Variants in AGO3 observed in about 807,000 individuals in gnomAD.
AGO3 encodes the protein argonaute RISC catalytic component 3.
AGO3 carries 16 observed loss-of-function variants against 105.5 expected under a neutral mutation model. That is an observed-to-expected ratio of 0.15 (90% CI 0.10 to 0.23). AGO3 has a LOEUF of 0.23. AGO3 is among the 10% of genes least tolerant of loss of function. AGO3 has a pLI of 1.00. For synonymous variants in AGO3, 340 were observed against 367.3 expected (o/e 0.93, Z 0.85); for missense variants, 534 against 1,088.0 (o/e 0.49, Z 7.16).
rs1038520788 is a variant in AGO3, at chr1:36,063,247, T to C, written c.*7502T>C. The C allele has an allele frequency of 2.0e-5, 3 of 152,234 alleles. No individual in the cohort carries two copies. Among genetic ancestry groups the C allele is most frequent in the African/African-American group, 7.2e-5 (3 of 41,466 alleles). The allele number at this position is 152,234 out of a possible 1,614,324, so 9.4% of individuals were successfully genotyped here. A position where few individuals can be genotyped will look rare whatever the true frequency, so the allele number is the denominator to read the frequency against. ...TACATGTGGAGGGGAGGTGGGGCTT[T>C]CCTGTAAGTTTGATCCTTTTTTTCC... is the stretch of plus-strand genomic sequence containing the variant. On this transcript the variant is annotated 3_prime_UTR_variant, in exon 19 of 19. Coordinates refer to ENST00000373191, the MANE Select transcript of AGO3 (RefSeq NM_024852.4).
In AGO3 at chr1:36,055,048, C is replaced by T. The variant is rs1179870833; in HGVS notation, c.2377C>T (p.Arg793Cys). 1.2e-6 allele frequency: 2 copies of T among 1,614,052 alleles called. No individual in the cohort carries two copies. The highest frequency in any genetic ancestry group is 1.7e-6 in the Non-Finnish European group (2 of 1,180,016). Residue 793 changes from arginine to cysteine, a missense_variant, in exon 18 of 19, where the codon CGC becomes TGC. Transcript: ENST00000373191. The surrounding 1 kb of genome is among the most constrained non-coding windows in gnomAD (Gnocchi z 4.4). The stretch of plus-strand genomic sequence containing the variant: ...TTACCAGCTCTGCCACACTTACGTA[C>T]GCTGTACACGATCTGTTTCTATACC... ...LTYQLCHTYV[R>C]CTRSVSIPAP...
chr1:35,985,983 G>T (rs761066534), intron 5 of AGO3, among the ~76,000 whole-genome samples: 1 of 152,188 alleles, frequency 6.6e-6, no homozygotes, highest in Non-Finnish European at 1.5e-5. Flanking sequence ...AGTGAAATCA[G>T]TGTTACCATT....
At chr1:36,013,460 C>A in intron 9 of AGO3, 170 bp from the exon 10 acceptor site, 1 of 819,532 alleles carries the variant, frequency 1.2e-6, no homozygotes, top group Non-Finnish European at 1.9e-6. Context: ...CCATTCATGA[C>A]CCATGGTCCC....
intron 5 of AGO3, among the ~76,000 whole-genome samples, chr1:35,995,094 G>A (rs939993896): frequency 2.0e-5 from 3 of 151,220 alleles, no homozygotes; most frequent in Admixed American, 6.6e-5. Flanking sequence ...CCGGCTACTC[G>A]GGAGGCTGAG....
Position 36,071,347 on chromosome 1 carries a change from C to CAAATA in AGO3, c.*15603_*15607dup, listed in dbSNP as rs1192780126. Reference sequence around the variant, plus strand: ...GCCTGCAAAATGTCCTGAAGATGGACAAATAGCCTTTTAAATTCTACTTTT... The same window carrying CAAATA: ...GCCTGCAAAATGTCCTGAAGATGGACAAATAAAATAGCCTTTTAAATTCTACTTTT... On this transcript the variant is annotated 3_prime_UTR_variant, in exon 19 of 19. Coordinates refer to ENST00000373191, the MANE Select transcript of AGO3 (RefSeq NM_024852.4). 6.6e-6 allele frequency: 1 copy of CAAATA among 152,148 alleles called. No homozygotes were observed. The highest frequency in any genetic ancestry group is 2.4e-5 in the African/African-American group (1 of 41,432). The allele number at this position is 152,148 out of a possible 1,614,324, so 9.4% of individuals were successfully genotyped here.
At chr1:35,947,346 CT>C (rs749269582) in intron 2 of AGO3, among the ~76,000 whole-genome samples, 8 of 151,914 alleles carry the variant, frequency 5.3e-5, no homozygotes, top group Non-Finnish European at 1.2e-4. Context: ...CTTTCCTAAA[CT>C]TCAGATTGAC....
rs1425961697 is a variant in AGO3, at chr1:36,060,909, G to A, written c.*5164G>A. The A allele has an allele frequency of 6.6e-6, 1 of 152,158 alleles. No homozygotes were observed. Among genetic ancestry groups the A allele is most frequent in the East Asian group, 1.9e-4 (1 of 5,198 alleles). 9.4% of individuals were successfully genotyped at this position (152,158 alleles called of 1,614,324 possible). A position where few individuals can be genotyped will look rare whatever the true frequency, so the allele number is the denominator to read the frequency against. On this transcript the variant is annotated 3_prime_UTR_variant, in exon 19 of 19. Transcript: ENST00000373191. ...TTGACATCAAGTAACGCCTTCCTGT[G>A]TAGCAGTATAACCCTAATTTAGAAC... is the stretch of plus-strand genomic sequence containing the variant.
At chr1:35,957,823 T>C (rs1213325557) in intron 2 of AGO3, among the ~76,000 whole-genome samples, 2 of 152,100 alleles carry the variant, frequency 1.3e-5, no homozygotes, top group East Asian at 1.9e-4. Flanking sequence ...TCCAGCACTT[T>C]GGGAGGCCAA....
rs1017785998 is a variant in AGO3, at chr1:36,066,525, A to T, written c.*10780A>T. ...CAGTGAGCCGAGATCATGCCACTGC[A>T]CTCCAGCCTGGGCGACAAGAGTGAA... On this transcript the variant is annotated 3_prime_UTR_variant, in exon 19 of 19. Transcript: ENST00000373191. 1 of 152,210 alleles carries T rather than the reference A, an allele frequency of 6.6e-6. No individual in the cohort carries two copies. Among genetic ancestry groups the T allele is most frequent in the African/African-American group, 2.4e-5 (1 of 41,462 alleles). 9.4% of individuals were successfully genotyped at this position (152,210 alleles called of 1,614,324 possible).
At chr1:36,004,237 A>C in intron 5 of AGO3, 104 bp from the exon 6 acceptor site, 10 of 1,223,564 alleles carry the variant, frequency 8.2e-6, no homozygotes, top group Non-Finnish European at 1.1e-5. Flanking sequence ...AATGTGCATA[A>C]AGGATCATTT....
intron 13 of AGO3, among the ~76,000 whole-genome samples, chr1:36,034,818 C>G (rs1641933483): frequency 6.6e-6 from 1 of 152,060 alleles, no homozygotes; most frequent in Non-Finnish European, 1.5e-5. Flanking sequence ...AACTGGGAGC[C>G]CAGATTAGTC....
intron 1 of AGO3, among the ~76,000 whole-genome samples, chr1:35,932,765 C>T (rs1427208190): frequency 2.6e-5 from 4 of 152,092 alleles, no homozygotes; most frequent in Admixed American, 6.5e-5. Flanking sequence ...TACCATACTA[C>T]TGTTTTACTG....
chr1:36,069,899 A>G lies in AGO3; in HGVS notation c.*14154A>G, dbSNP rs1396188042. On this transcript the variant is annotated 3_prime_UTR_variant, in exon 19 of 19. Coordinates refer to ENST00000373191, the MANE Select transcript of AGO3 (RefSeq NM_024852.4). The stretch of plus-strand genomic sequence containing the variant: ...TGGCAAAACCCCGTCTCTACTAAAG[A>G]TACAAAAATTAGCTGGGCACGATGG... 2.6e-5 allele frequency: 4 copies of G among 152,150 alleles called. No homozygotes were observed. The highest frequency in any genetic ancestry group is 4.4e-5 in the Non-Finnish European group (3 of 68,056). 9.4% of individuals were successfully genotyped at this position (152,150 alleles called of 1,614,324 possible).
intron 6 of AGO3, among the ~76,000 whole-genome samples, chr1:36,005,494 T>G (rs1045548556): frequency 6.6e-6 from 1 of 152,222 alleles, no homozygotes; most frequent in Non-Finnish European, 1.5e-5. Flanking sequence ...AGAAACTGTT[T>G]ATGTAACTGT....
At chr1:36,003,469 C>T (rs898904972) in intron 5 of AGO3, among the ~76,000 whole-genome samples, 4 of 150,870 alleles carry the variant, frequency 2.7e-5, no homozygotes, top group Non-Finnish European at 4.4e-5. Context: ...CTGAGGCAGG[C>T]GGATCACCTG....
Position 36,043,490 on chromosome 1 carries a change from C to T in AGO3, c.2216C>T (p.Thr739Ile), listed in dbSNP as rs1642335421. Reference protein sequence around the residue: ...GNIPAGTTVDTDITHPYEFDF... With the variant: ...GNIPAGTTVDIDITHPYEFDF... ...ATCCCAGCTGGAACAACAGTTGATA[C>T]AGACATTACACACCCATATGAGTTC... The change falls in exon 17 of 19, where the codon ACA (threonine) becomes ATA (isoleucine). Residue 739 changes from threonine to isoleucine, a missense_variant. By Grantham distance (89) the Thr-to-Ile change is moderately conservative. Coordinates refer to ENST00000373191, the MANE Select transcript of AGO3 (RefSeq NM_024852.4). 1.2e-6 allele frequency: 2 copies of T among 1,613,936 alleles called. No individual in the cohort carries two copies. Among genetic ancestry groups the T allele is most frequent in the South Asian group, 1.1e-5 (1 of 91,042 alleles).
chr1:35,966,721 A>G (rs1370736507), intron 2 of AGO3, among the ~76,000 whole-genome samples: 1 of 152,164 alleles, frequency 6.6e-6, no homozygotes, highest in Non-Finnish European at 1.5e-5. Context: ...TCCTGGAATG[A>G]TTAAGTAATA....
chr1:35,936,455 G>A (rs79303353), intron 1 of AGO3, among the ~76,000 whole-genome samples: 7,209 of 152,208 alleles, frequency 0.047, 255 homozygotes, highest in South Asian at 0.083. Context: ...TTTTGCTCTC[G>A]TCGCCCAGGC....
At chr1:35,933,815 T>C (rs1646099834) in intron 1 of AGO3, among the ~76,000 whole-genome samples, 1 of 152,158 alleles carries the variant, frequency 6.6e-6, no homozygotes, top group African/African-American at 2.4e-5. Context: ...CATCTTGTGA[T>C]AGGATATTTT....
Sources: gnomAD v4.1 joint callset for allele counts (sites outside exome capture counted in the v4.1 genomes callset) on GRCh38, gnomAD v4.1.1 for gene constraint, Gnocchi (gnomAD v3.1) non-coding constraint, MANE v1.5 for transcripts, NCBI Gene and HGNC (gene_info 2026-07-23, HGNC 2026-07-21) for gene names.